Variants in MACC1 observed in about 807,000 individuals in gnomAD.
MACC1 encodes metastasis-associated in colon cancer protein 1.
Under a neutral mutation model 70.7 loss-of-function variants are expected in MACC1, and 79 were observed. The observed-to-expected ratio is 1.12, with a 90% CI of 0.93 to 1.35. MACC1 has a LOEUF of 1.35. Among genes scored for constraint, MACC1 ranks in the 40% most tolerant of loss-of-function variants. The probability of loss-of-function intolerance (pLI) is 0.00; values close to 1 mark genes in which losing one functional copy is unlikely to be tolerated. For synonymous variants in MACC1, 361 were observed against 347.2 expected (o/e 1.04, Z -0.44); for missense variants, 1,106 against 978.1 (o/e 1.13, Z -1.74).
At chr7:20,152,920 G>T (rs1024412073) in intron 6 of MACC1, among the ~76,000 whole-genome samples, 1 of 152,162 alleles carries the variant, frequency 6.6e-6, no homozygotes, top group South Asian at 2.1e-4. Flanking sequence ...TGAAATGTCC[G>T]AATCAGAAGA....
intron 1 of MACC1, among the ~76,000 whole-genome samples, chr7:20,192,943 G>C (rs2128107319): frequency 6.6e-6 from 1 of 152,286 alleles, no homozygotes; most frequent in South Asian, 2.1e-4. Context: ...GTGATCTTAT[G>C]GCTCCTCACT....
At chr7:20,197,131 C>G (rs1400750041) in intron 1 of MACC1, among the ~76,000 whole-genome samples, 1 of 152,220 alleles carries the variant, frequency 6.6e-6, no homozygotes, top group Non-Finnish European at 1.5e-5. Context: ...CCAATGTTGG[C>G]TGAAAATTAA....
At chr7:20,188,309 T>C (rs1336720822) in intron 1 of MACC1, among the ~76,000 whole-genome samples, 1 of 152,170 alleles carries the variant, frequency 6.6e-6, no homozygotes, top group Admixed American at 6.6e-5. Context: ...TGAACCCCTT[T>C]GCTTGGATTT....
At chr7:20,186,701 T>C (rs1198500682) in intron 1 of MACC1, among the ~76,000 whole-genome samples, 1 of 152,072 alleles carries the variant, frequency 6.6e-6, no homozygotes, top group Non-Finnish European at 1.5e-5. Flanking sequence ...AAAAGATTCC[T>C]TAGGGAATAT....
rs182660309 is a variant in MACC1 at position 20,188,982 on chromosome 7, A to C, written c.-217-18204T>G. Reference sequence around the variant, plus strand: ...GTGTGAATTCATCTGAGATCATCTCACGTAGACTCTAGCTGCACTGGCCTT... The same window carrying C: ...GTGTGAATTCATCTGAGATCATCTCCCGTAGACTCTAGCTGCACTGGCCTT... On this transcript the variant is annotated intron_variant, in intron 1 of 6. Transcript: ENST00000400331. Among the ~76,000 whole-genome samples the C allele has an allele frequency of 2.0e-5, 3 of 152,332 alleles. No individual in the cohort carries two copies. In the East Asian group the frequency reaches 5.8e-4, roughly 29 times the overall value.
At chr7:20,196,225 G>T (rs951839115) in intron 1 of MACC1, among the ~76,000 whole-genome samples, 11 of 151,890 alleles carry the variant, frequency 7.2e-5, no homozygotes, top group Admixed American at 2.0e-4. Context: ...CTGTCTCCCA[G>T]GCTGGAGTGC....
At chr7:20,145,989 T>C (rs796222949) in intron 6 of MACC1, among the ~76,000 whole-genome samples, 43 of 152,022 alleles carry the variant, frequency 2.8e-4, no homozygotes, top group African/African-American at 9.9e-4. Flanking sequence ...GGTGAAGCCC[T>C]GTATCTATTA....
At chr7:20,182,574 G>A (rs1782526578) in intron 1 of MACC1, among the ~76,000 whole-genome samples, 1 of 152,266 alleles carries the variant, frequency 6.6e-6, no homozygotes, top group African/African-American at 2.4e-5. Context: ...GCCTTTAATT[G>A]TCTTGCTGGA....
rs1160141422 is a variant in MACC1 at position 20,158,749 on chromosome 7, C to G, written c.1612G>C (p.Val538Leu). The G allele has an allele frequency of 1.9e-6, 3 of 1,613,816 alleles. No homozygotes were observed. The highest frequency in any genetic ancestry group is 2.5e-6 in the Non-Finnish European group (3 of 1,179,990). The change falls in exon 5 of 7, where the codon GTT becomes CTT. Residue 538 changes from valine to leucine, a missense_variant. Physicochemically the swap from Val to Leu is conservative, Grantham distance 32. Transcript: ENST00000400331. Reference sequence around the variant, plus strand: ...TTATCTTGAAATGTAGGATATTTAACAAGAATTTTTGGTGATAAAGGAGCA... The same window carrying G: ...TTATCTTGAAATGTAGGATATTTAAGAAGAATTTTTGGTGATAAAGGAGCA... ...KSAPLSPKIL[V>L]KYPTFQDKTL...
In MACC1 at chr7:20,138,526, ACT is replaced by A. The variant is rs1318654778; in HGVS notation, c.*2418_*2419del. The A allele has an allele frequency of 6.6e-6, 1 of 152,088 alleles. No individual in the cohort carries two copies. The highest frequency in any genetic ancestry group is 1.9e-4 in the East Asian group (1 of 5,180). The allele number at this position is 152,088 out of a possible 1,614,324, so 9.4% of individuals were successfully genotyped here. A position where few individuals can be genotyped will look rare whatever the true frequency, so the allele number is the denominator to read the frequency against. ...GAAAGCAAAATCACCACAAAAAAGGACTGTGTTCTGAAAGTAAAAACTGTGCT... is the reference window on the plus strand; with the variant it reads ...GAAAGCAAAATCACCACAAAAAAGGAGTGTTCTGAAAGTAAAAACTGTGCT... On this transcript the variant is annotated 3_prime_UTR_variant, in exon 7 of 7. Transcript: ENST00000400331.
chr7:20,141,151 C>T lies in MACC1; in HGVS notation c.2354G>A (p.Trp785Ter), dbSNP rs201028666. 4.5e-5 allele frequency: 72 copies of T among 1,588,862 alleles called. No individual in the cohort carries two copies. The African/African-American group carries it at 7.4e-4, about 16-fold the overall frequency. Reference sequence around the variant, plus strand: ...ATACAGAAAATCATAGGCAGGTTTCCACATCATCTATAAAGAAAAAAAATA... The same window carrying T: ...ATACAGAAAATCATAGGCAGGTTTCTACATCATCTATAAAGAAAAAAAATA... ...NTGDVAVEMMWKPAYDFLYTW... is the reference protein window; with the variant it reads ...NTGDVAVEMM The change falls in exon 7 of 7, where the codon TGG becomes TAG. Residue 785 changes from tryptophan to a stop codon, truncating the protein, a stop_gained. Coordinates refer to ENST00000400331, the MANE Select transcript of MACC1 (RefSeq NM_182762.4). LOFTEE classifies it high-confidence loss of function.
In MACC1 at chr7:20,160,236, T is replaced by G. The variant is rs372103386; in HGVS notation, c.125A>C (p.Asp42Ala). The G allele has an allele frequency of 6.4e-7, 1 of 1,551,554 alleles. No homozygotes were observed. The highest frequency in any genetic ancestry group is 1.4e-5 in the African/African-American group (1 of 72,296). The change falls in exon 5 of 7, where the codon GAC becomes GCC. Residue 42 changes from aspartate (D) to alanine (A), a missense_variant. By Grantham distance (126) the Asp-to-Ala change is moderately radical (BLOSUM62 -2). Coordinates refer to ENST00000400331, the MANE Select transcript of MACC1 (RefSeq NM_182762.4). The stretch of plus-strand genomic sequence containing the variant: ...CGGCCAATTGTGAAGCAAGTCTGGG[T>G]CCTGGCATTCTTGTTATTTAAGGAA... ...SKSCNITECQ[D>A]PDLLHNWPDA...
chr7:20,177,002 T>C (rs1782403017), intron 1 of MACC1, among the ~76,000 whole-genome samples: 1 of 151,864 alleles, frequency 6.6e-6, no homozygotes, highest in Non-Finnish European at 1.5e-5. Flanking sequence ...TTAATAGCAC[T>C]GGCAGTTATA....
At chr7:20,165,476 C>G (rs1027749061) in intron 2 of MACC1, among the ~76,000 whole-genome samples, 24 of 152,108 alleles carry the variant, frequency 1.6e-4, no homozygotes, top group African/African-American at 5.3e-4. Context: ...CCCTCCATCC[C>G]TCACAGTACC....
Position 20,139,484 on chromosome 7 carries a change from A to G in MACC1, c.*1462T>C, listed in dbSNP as rs2128099333. On this transcript the variant is annotated 3_prime_UTR_variant, in exon 7 of 7. Coordinates refer to ENST00000400331, the MANE Select transcript of MACC1 (RefSeq NM_182762.4). ...CTCTCCATTGCAACTGTTAGTATGC[A>G]TGCCATTTTCTATTTAACGGTGTCA... 1 of 152,306 alleles carries G rather than the reference A, an allele frequency of 6.6e-6. No individual in the cohort carries two copies. Among genetic ancestry groups the G allele is most frequent in the South Asian group, 2.1e-4 (1 of 4,834 alleles). The allele number at this position is 152,306 out of a possible 1,614,324, so 9.4% of individuals were successfully genotyped here. A position where few individuals can be genotyped will look rare whatever the true frequency, so the allele number is the denominator to read the frequency against.
rs77209751 is a variant in MACC1, at chr7:20,210,430, T to G, written c.-218+6869A>C. 2.9e-3 allele frequency among the ~76,000 whole-genome samples: 447 copies of G among 152,350 alleles called. 1 individual carries two copies. The highest frequency in any genetic ancestry group is 9.5e-3 in the African/African-American group (395 of 41,568). On this transcript the variant is annotated intron_variant, in intron 1 of 6. Coordinates refer to ENST00000400331, the MANE Select transcript of MACC1 (RefSeq NM_182762.4). ...CGTTTTATGTATGTATTTGTCACTT[T>G]CATCGCACTATGACCTCTTTCATCC...
In MACC1 at chr7:20,159,769, T is replaced by C. The variant is rs1470370657; in HGVS notation, c.592A>G (p.Ile198Val). The change falls in exon 5 of 7, where the codon ATT becomes GTT. Residue 198 changes from isoleucine to valine, a missense_variant. Coordinates refer to ENST00000400331, the MANE Select transcript of MACC1 (RefSeq NM_182762.4). ...TGGGCCCATCCAGGGCTCTGACTAA[T>C]TGTATTCAAATCAAGGCAGGAGCGG... ...LARSCLDLNT[I>V]SQSPGWAQTQ... 2.5e-6 allele frequency: 4 copies of C among 1,614,128 alleles called. No homozygotes were observed. Among genetic ancestry groups the C allele is most frequent in the East Asian group, 4.5e-5 (2 of 44,872 alleles).
intron 1 of MACC1, among the ~76,000 whole-genome samples, chr7:20,171,091 C>T (rs1009125588): frequency 2.8e-4 from 43 of 152,144 alleles, no homozygotes; most frequent in Admixed American, 7.8e-4. Flanking sequence ...AATACTAATG[C>T]GCATACATGT....
In MACC1 at chr7:20,140,896, C is replaced by T. The variant is rs764011213; in HGVS notation, c.*50G>A. 7.0e-7 allele frequency: 1 copy of T among 1,426,516 alleles called. No homozygotes were observed. The highest frequency in any genetic ancestry group is 1.3e-5 in the South Asian group (1 of 79,726). 88.4% of individuals were successfully genotyped at this position (1,426,516 alleles called of 1,614,324 possible). Reference sequence around the variant, plus strand: ...ACAGACACACACAGACACACACACACACACACCATTACCTCATTTTCCCTC... The same window carrying T: ...ACAGACACACACAGACACACACACATACACACCATTACCTCATTTTCCCTC... On this transcript the variant is annotated 3_prime_UTR_variant, in exon 7 of 7. Transcript: ENST00000400331.
Sources: gnomAD v4.1 joint callset for allele counts (sites outside exome capture counted in the v4.1 genomes callset) on GRCh38, gnomAD v4.1.1 for gene constraint, MANE v1.5 for transcripts, NCBI Gene and HGNC (gene_info 2026-07-23, HGNC 2026-07-21) for gene names.